The following CLIP4 variants were observed in gnomAD, a reference collection of about 807,000 sequenced individuals.
The protein encoded by CLIP4 is CAP-Gly domain containing linker protein family member 4, also known as CAP-Gly domain-containing linker protein 4.
CLIP4 carries 47 observed loss-of-function variants against 73.1 expected under a neutral mutation model. The ratio of observed to expected loss-of-function variants is 0.64; its 90% confidence interval spans 0.51 to 0.82. The LOEUF is 0.82. Among genes scored for constraint, CLIP4 ranks in the 40% least tolerant of loss-of-function variants. The pLI, the probability that CLIP4 is intolerant of heterozygous loss-of-function variation, is 0.00. For synonymous variants in CLIP4, 306 were observed against 295.4 expected (o/e 1.04, Z -0.37); for missense variants, 874 against 852.9 (o/e 1.02, Z -0.31).
intron 9 of CLIP4, among the ~76,000 whole-genome samples, chr2:29,154,857 C>T (rs1666814497): frequency 6.6e-6 from 1 of 152,140 alleles, no homozygotes; most frequent in South Asian, 2.1e-4. Context: ...ATCAGAACCA[C>T]AGTGCACAGA....
chr2:29,180,863 CA>C (rs892431889), intron 15 of CLIP4, among the ~76,000 whole-genome samples: 4 of 149,438 alleles, frequency 2.7e-5, no homozygotes, highest in African/African-American at 1.0e-4. Flanking sequence ...TGTGTGTGTA[CA>C]CATGTATATA....
intron 1 of CLIP4, among the ~76,000 whole-genome samples, chr2:29,119,446 C>G (rs924132773): frequency 6.6e-6 from 1 of 152,076 alleles, no homozygotes; most frequent in South Asian, 2.1e-4. Context: ...CATGTGGTGA[C>G]TCCTCTTAAC....
At chr2:29,107,749 C>T (rs1344538774) in intron 1 of CLIP4, among the ~76,000 whole-genome samples, 1 of 152,068 alleles carries the variant, frequency 6.6e-6, no homozygotes, top group African/African-American at 2.4e-5. Context: ...TTCACAGGCA[C>T]AGTCACAGCT....
At chr2:29,102,102 C>CTT (rs1668067709) in intron 1 of CLIP4, among the ~76,000 whole-genome samples, 1 of 152,024 alleles carries the variant, frequency 6.6e-6, no homozygotes, top group Admixed American at 6.6e-5. Context: ...TTCTGGTGGT[C>CTT]AGGAAAACCC....
intron 6 of CLIP4, among the ~76,000 whole-genome samples, chr2:29,141,704 T>C (rs1446755172): frequency 6.6e-6 from 1 of 152,190 alleles, no homozygotes; most frequent in Non-Finnish European, 1.5e-5. Flanking sequence ...ATGGGTGTCA[T>C]TACCTGTGCA....
At chr2:29,132,436 T>G in intron 4 of CLIP4, 191 bp downstream of exon 4, 1 of 582,632 alleles carries the variant, frequency 1.7e-6, no homozygotes, top group Non-Finnish European at 3.0e-6. Context: ...CTTTATACCC[T>G]CCTGATACCT....
At chr2:29,118,295 A>G (rs968964185) in intron 1 of CLIP4, 5 of 152,212 alleles carry the variant, frequency 3.3e-5, no homozygotes, top group Admixed American at 3.3e-4. Context: ...ATGCTAGTGG[A>G]CATCCCCATT....
At chr2:29,135,500 A>G (rs1296426295) in intron 5 of CLIP4, 48 bp from the exon 6 acceptor site, 2 of 1,362,038 alleles carry the variant, frequency 1.5e-6, no homozygotes, top group East Asian at 2.4e-5. Context: ...AAATTATGAT[A>G]GCTAAGTTTA....
intron 15 of CLIP4, chr2:29,175,387 A>C (rs964786543): frequency 1.3e-5 from 2 of 152,176 alleles, no homozygotes; most frequent in African/African-American, 2.4e-5. Context: ...GAAGGAGTTT[A>C]AGGGCAGTCA....
chr2:29,139,132 G>C (rs1227557824), intron 6 of CLIP4, among the ~76,000 whole-genome samples: 1 of 151,766 alleles, frequency 6.6e-6, no homozygotes, highest in Non-Finnish European at 1.5e-5. Flanking sequence ...TGTTGGCTGT[G>C]GGTTTGTCAT....
intron 9 of CLIP4, among the ~76,000 whole-genome samples, chr2:29,155,689 A>T (rs545140856): frequency 2.0e-5 from 3 of 152,284 alleles, no homozygotes; most frequent in Admixed American, 2.0e-4. Flanking sequence ...CACCCTCTTC[A>T]TTCAGTTTCT....
intron 8 of CLIP4, among the ~76,000 whole-genome samples, chr2:29,151,467 G>C (rs1199512914): frequency 1.3e-5 from 2 of 152,070 alleles, no homozygotes; most frequent in Non-Finnish European, 2.9e-5. Flanking sequence ...TTTAGAGAAA[G>C]AATAGAAAGT....
chr2:29,154,064 CTGTT>C (rs1193716030), intron 9 of CLIP4, among the ~76,000 whole-genome samples: 1 of 152,130 alleles, frequency 6.6e-6, no homozygotes, highest in African/African-American at 2.4e-5. Context: ...GAATATCTTT[CTGTT>C]TAATTAGGCC....
At position 29,168,821 on chromosome 2, in the gene CLIP4, C is replaced by G. The variant is rs1667807649; in HGVS notation, c.1723+1281C>G. On this transcript the variant is annotated intron_variant, in intron 14 of 15. Coordinates refer to ENST00000320081, the MANE Select transcript of CLIP4 (RefSeq NM_024692.6). ...ACAGGTGTGAGCCACCACGCCCAGCCTGCACTTTTTGTTTTAAGAAATCTT... is the reference window on the plus strand; with the variant it reads ...ACAGGTGTGAGCCACCACGCCCAGCGTGCACTTTTTGTTTTAAGAAATCTT... 3.3e-5 allele frequency among the ~76,000 whole-genome samples: 5 copies of G among 152,102 alleles called. No homozygotes were observed. In the South Asian group the frequency reaches 1.0e-3, roughly 32 times the overall value.
chr2:29,152,082 A>G (rs1480091263), intron 8 of CLIP4, among the ~76,000 whole-genome samples: 2 of 152,196 alleles, frequency 1.3e-5, no homozygotes, highest in African/African-American at 2.4e-5. Flanking sequence ...ACACACTGTA[A>G]TTAGGTACAG....
chr2:29,123,970 A>G (rs1054683868), intron 2 of CLIP4, among the ~76,000 whole-genome samples: 9 of 152,216 alleles, frequency 5.9e-5, no homozygotes, highest in African/African-American at 1.9e-4. Flanking sequence ...TACACATTAT[A>G]TACATTATAA....
At chr2:29,169,858 C>T (rs1667892050) in intron 14 of CLIP4, among the ~76,000 whole-genome samples, 1 of 152,096 alleles carries the variant, frequency 6.6e-6, no homozygotes, top group Non-Finnish European at 1.5e-5. Context: ...CTTATCCCTT[C>T]TATTTAACTG....
intron 14 of CLIP4, among the ~76,000 whole-genome samples, chr2:29,171,542 G>A (rs528278009): frequency 1.9e-4 from 27 of 143,464 alleles, no homozygotes; most frequent in Admixed American, 2.8e-4. Flanking sequence ...TTTTTGAGAC[G>A]GAGTCTTGCT....
rs1391871363 is a variant in CLIP4 at position 29,182,233 on chromosome 2, A to G, written c.*340A>G. ...TTGCACATCATAATGGATTTTTCTT[A>G]GTGCCCTAATTGTGAAGGGTTTCTC... is the stretch of plus-strand genomic sequence containing the variant. On this transcript the variant is annotated 3_prime_UTR_variant, in exon 16 of 16. Coordinates refer to ENST00000320081, the MANE Select transcript of CLIP4 (RefSeq NM_024692.6). The G allele has an allele frequency of 5.7e-6, 1 of 174,080 alleles. No individual in the cohort carries two copies. Among genetic ancestry groups the G allele is most frequent in the Admixed American group, 6.0e-5 (1 of 16,666 alleles). The allele number at this position is 174,080 out of a possible 1,614,324, so 10.8% of individuals were successfully genotyped here. A position where few individuals can be genotyped will look rare whatever the true frequency, so the allele number is the denominator to read the frequency against.
Sources: allele counts gnomAD v4.1 joint callset (sites outside exome capture counted in the v4.1 genomes callset), GRCh38; gene constraint gnomAD v4.1.1; transcripts MANE v1.5; gene names NCBI Gene and HGNC (gene_info 2026-07-23, HGNC 2026-07-21).